Variants in KCNN2 observed in about 807,000 individuals in gnomAD.
The protein encoded by KCNN2 is small conductance calcium-activated potassium channel protein 2.
KCNN2 carries 24 observed loss-of-function variants against 55.5 expected under a neutral mutation model. The observed-to-expected ratio is 0.43, with a 90% confidence interval of 0.31 to 0.61. The LOEUF (loss-of-function observed/expected upper bound fraction) is 0.61. KCNN2 is among the 20% of genes least tolerant of loss of function. The pLI is 0.08. For missense variants in KCNN2, 754 were observed against 853.6 expected (o/e 0.88, Z 1.45); for synonymous variants, 431 against 336.1 (o/e 1.28, Z -3.09).
At position 114,295,461 on chromosome 5, in the gene KCNN2, C is replaced by T. The variant is rs1755990299; in HGVS notation, c.-184-65484C>T. 2.0e-5 allele frequency among the ~76,000 whole-genome samples: 3 copies of T among 152,276 alleles called. No homozygotes were observed. The South Asian group carries it at 6.2e-4, about 32-fold the overall frequency. On this transcript the variant is annotated intron_variant, in intron 2 of 10. Coordinates refer to the KCNN2 transcript ENST00000512097. The stretch of plus-strand genomic sequence containing the variant: ...TGCAGTTTGATCTCAGACTGCTGTG[C>T]TAGCAATCAGCAAAACTCCATGGGC...
upstream of KCNN2, chr5:114,055,990 G>A (rs1023696962): frequency 5.2e-6 from 1 of 193,034 alleles, no homozygotes; most frequent in African/African-American, 2.3e-5. Context: ...CCTCAAGGTC[G>A]GCGATACCCT....
intron 2 of KCNN2, among the ~76,000 whole-genome samples, chr5:114,292,499 T>G (rs1405592253): frequency 6.6e-6 from 1 of 152,224 alleles, no homozygotes; most frequent in Non-Finnish European, 1.5e-5. Context: ...ATCAGATAGT[T>G]GTAGATATGT....
Position 114,242,396 on chromosome 5 carries a change from AC to A in KCNN2, c.-185+20834del, listed in dbSNP as rs1754664072. Among the ~76,000 whole-genome samples the A allele has an allele frequency of 2.0e-5, 3 of 152,296 alleles. No individual in the cohort carries two copies. In the South Asian group the frequency reaches 6.2e-4, roughly 32 times the overall value. ...TAGACAATGAGTTTGCATAGTTTTG[AC>A]CCAGAAATCCTGTGTTGATAACATA... On this transcript the variant is annotated intron_variant, in intron 2 of 10. Coordinates refer to the KCNN2 transcript ENST00000512097.
intron 2 of KCNN2, among the ~76,000 whole-genome samples, chr5:114,390,647 G>T (rs1561602896): frequency 6.6e-6 from 1 of 152,108 alleles, no homozygotes; most frequent in Non-Finnish European, 1.5e-5. Flanking sequence ...CTCATCAATT[G>T]TGGCATGTCG....
intron 2 of KCNN2, among the ~76,000 whole-genome samples, chr5:114,274,342 G>GTT (rs55672273): frequency 0.9 from 136,650 of 151,968 alleles, 61,809 homozygotes; most frequent in East Asian, 0.94. Flanking sequence ...TTCATATGAA[G>GTT]TTTAAAGTAG....
At chr5:114,233,155 C>T (rs6897023) in intron 2 of KCNN2, among the ~76,000 whole-genome samples, 29 of 150,502 alleles carry the variant, frequency 1.9e-4, no homozygotes, top group African/African-American at 6.9e-4. Context: ...CTCCTGACCT[C>T]GTGATCCGCC....
At chr5:114,081,879 T>C (rs1466818653) in intron 1 of KCNN2, among the ~76,000 whole-genome samples, 1 of 152,190 alleles carries the variant, frequency 6.6e-6, no homozygotes, top group Non-Finnish European at 1.5e-5. Context: ...AATAAAGGAT[T>C]GATATCTAGA....
At chr5:114,424,509 A>G (rs1164335734) in intron 3 of KCNN2, among the ~76,000 whole-genome samples, 1 of 152,228 alleles carries the variant, frequency 6.6e-6, no homozygotes, top group African/African-American at 2.4e-5. Context: ...GCCTTCAGAA[A>G]CTCAGCTAGA....
At chr5:114,330,714 T>C (rs2150032961) in intron 2 of KCNN2, among the ~76,000 whole-genome samples, 1 of 152,286 alleles carries the variant, frequency 6.6e-6, no homozygotes, top group African/African-American at 2.4e-5. Context: ...AAGCCAATTT[T>C]TGCAAAGAAT....
At chr5:114,261,505 A>G (rs1755107397) in intron 2 of KCNN2, among the ~76,000 whole-genome samples, 2 of 152,316 alleles carry the variant, frequency 1.3e-5, no homozygotes, top group Non-Finnish European at 2.9e-5. Context: ...ACAAAGTGCT[A>G]ATCAGGGTGT....
chr5:114,147,903 C>T (rs926914770), intron 1 of KCNN2, among the ~76,000 whole-genome samples: 1 of 152,084 alleles, frequency 6.6e-6, no homozygotes. Flanking sequence ...AATGTGGAGT[C>T]CTGCATTGGC....
rs565367633 is a variant in KCNN2, at chr5:114,175,441, T to C, written c.-270-46039T>C. On this transcript the variant is annotated intron_variant, in intron 1 of 10. Transcript: ENST00000512097. ...TAGACTCTTGTGCATCAGGTGTACA[T>C]GTCAAAGGTAAATAACATTTATAAT... is the stretch of plus-strand genomic sequence containing the variant. Among the ~76,000 whole-genome samples the C allele has an allele frequency of 4.6e-5, 7 of 152,280 alleles. No homozygotes were observed. The South Asian group carries it at 1.4e-3, about 32-fold the overall frequency.
At chr5:114,060,842 C>T (rs555726148) in intron 1 of KCNN2, among the ~76,000 whole-genome samples, 1 of 152,302 alleles carries the variant, frequency 6.6e-6, no homozygotes, top group South Asian at 2.1e-4. Flanking sequence ...TTTTCCAAGC[C>T]ATTTAATTGT....
At chr5:114,376,275 T>A (rs906965693) in intron 2 of KCNN2, among the ~76,000 whole-genome samples, 1 of 152,150 alleles carries the variant, frequency 6.6e-6, no homozygotes, top group African/African-American at 2.4e-5. Context: ...TGTTTAGGAC[T>A]TAGTCCCTCA....
intron 3 of KCNN2, among the ~76,000 whole-genome samples, chr5:114,419,132 G>T (rs920589676): frequency 1.3e-5 from 2 of 152,234 alleles, no homozygotes; most frequent in African/African-American, 2.4e-5. Context: ...TAGCAGCAAG[G>T]ATTAAGAAAA....
Position 114,486,810 on chromosome 5 carries a change from T to C in KCNN2, c.1891-240T>C, listed in dbSNP as rs978691439. On this transcript the variant is annotated intron_variant, in intron 5 of 7. Coordinates refer to ENST00000673685, the MANE Select transcript of KCNN2 (RefSeq NM_021614.4). Reference sequence around the variant, plus strand: ...AAAGAAGTTTCCTGAAGGAGTAAGATAGAATTTACCACAGAAAGAAAGTGG... The same window carrying C: ...AAAGAAGTTTCCTGAAGGAGTAAGACAGAATTTACCACAGAAAGAAAGTGG... 9.9e-6 allele frequency: 13 copies of C among 1,313,810 alleles called. No homozygotes were observed. In the East Asian group the frequency reaches 3.6e-4, roughly 37 times the overall value. 81.4% of individuals were successfully genotyped at this position (1,313,810 alleles called of 1,614,324 possible). A position where few individuals can be genotyped will look rare whatever the true frequency, so the allele number is the denominator to read the frequency against.
In KCNN2 at chr5:114,448,076, T is replaced by C. The variant is rs1424791496; in HGVS notation, c.1638-14973T>C. On this transcript the variant is annotated intron_variant, in intron 3 of 7. Coordinates refer to ENST00000673685, the MANE Select transcript of KCNN2 (RefSeq NM_021614.4). ...GGCTGGCATTGAAAGTTTTGGGGTT[T>C]TCGTGATTTATGTAGTGATTTTTCT... Among the ~76,000 whole-genome samples, 3 of 152,208 alleles carry C rather than the reference T, an allele frequency of 2.0e-5. No individual in the cohort carries two copies. In the East Asian group the frequency reaches 5.8e-4, roughly 29 times the overall value.
At chr5:114,383,112 A>T (rs1252696009) in intron 2 of KCNN2, among the ~76,000 whole-genome samples, 2 of 152,182 alleles carry the variant, frequency 1.3e-5, no homozygotes, top group Admixed American at 6.5e-5. Context: ...AGCTATGATA[A>T]CTTAACCATT....
chr5:114,490,101 T>A (rs1207897492), intron 6 of KCNN2, among the ~76,000 whole-genome samples: 2 of 152,200 alleles, frequency 1.3e-5, no homozygotes, highest in African/African-American at 4.8e-5. Context: ...GTTCTCTTTC[T>A]CTAACTTTTA....
Sources: gnomAD v4.1 joint callset for allele counts (sites outside exome capture counted in the v4.1 genomes callset) on GRCh38, gnomAD v4.1.1 for gene constraint, MANE v1.5 for transcripts, NCBI Gene and HGNC (gene_info 2026-07-23, HGNC 2026-07-21) for gene names.